Variants in ODF2L observed in about 807,000 individuals in gnomAD.
ODF2L encodes the protein protein BCAP.
A neutral mutation model predicts 86.3 loss-of-function variants in ODF2L; 76 were observed. The ratio of observed to expected loss-of-function variants is 0.88; its 90% CI spans 0.73 to 1.07. The LOEUF (loss-of-function observed/expected upper bound fraction) is 1.07, where lower values mean the gene tolerates loss of function less well. Ranked by LOEUF, ODF2L falls within the 50% of genes least tolerant of loss-of-function variation. The pLI is 0.00. For missense variants in ODF2L, 748 were observed against 717.4 expected (o/e 1.04, Z -0.49); for synonymous variants, 241 against 231.3 (o/e 1.04, Z -0.38).
At chr1:86,364,969 G>C (rs374682356) in intron 11 of ODF2L, among the ~76,000 whole-genome samples, 1 of 152,182 alleles carries the variant, frequency 6.6e-6, no homozygotes, top group African/African-American at 2.4e-5. Flanking sequence ...TGCTGCTAGT[G>C]TATTTTGTTT....
intron 9 of ODF2L, 80 bp downstream of exon 9, chr1:86,372,351 C>A (rs1016421588): frequency 1.3e-5 from 8 of 626,110 alleles, no homozygotes; most frequent in Non-Finnish European, 1.7e-5. Flanking sequence ...TAAAAAAAAT[C>A]AAAATACAAA....
At position 86,351,979 on chromosome 1, in the gene ODF2L, A is replaced by C. The variant is rs1377787028; in HGVS notation, c.*212T>G. The C allele has an allele frequency of 3.1e-6, 4 of 1,273,884 alleles. No homozygotes were observed. In the East Asian group the frequency reaches 1.3e-4, roughly 40 times the overall value. The allele number at this position is 1,273,884 out of a possible 1,614,324, so 78.9% of individuals were successfully genotyped here. A position where few individuals can be genotyped will look rare whatever the true frequency, so the allele number is the denominator to read the frequency against. On this transcript the variant is annotated 3_prime_UTR_variant, in exon 18 of 18. Transcript: ENST00000317336. ...AAAAAAACAGCACACACATTTTACA[A>C]TATCAGAAAGTCAAATGGTGAGTTA... is the stretch of plus-strand genomic sequence containing the variant.
rs1435643544 is a variant in ODF2L, at chr1:86,384,691, CT to C, written c.356del (p.Lys119ArgfsTer16). ...GATGCCTTACTTGTTTGTAGTCTCT[CT>C]TTCTAAGAAGATGTTCTAAAGCTAG... On this transcript the variant is annotated frameshift_variant, in exon 4 of 18. Transcript: ENST00000317336. LOFTEE classifies it high-confidence loss of function. 2.0e-6 allele frequency: 3 copies of C among 1,495,140 alleles called. No homozygotes were observed. The highest frequency in any genetic ancestry group is 2.3e-5 in the Admixed American group (1 of 42,802). 92.6% of individuals were successfully genotyped at this position (1,495,140 alleles called of 1,614,324 possible). A position where few individuals can be genotyped will look rare whatever the true frequency, so the allele number is the denominator to read the frequency against.
chr1:86,360,389 C>A, intron 12 of ODF2L, 37 bp downstream of exon 11: 1 of 910,662 alleles, frequency 1.1e-6, no homozygotes, highest in African/African-American at 1.7e-5. Context: ...AATTGTCTAC[C>A]AATTTTAGTA....
At position 86,378,444 on chromosome 1, in the gene ODF2L, T is replaced by C. The variant is rs12046199; in HGVS notation, c.625-2026A>G. On this transcript the variant is annotated intron_variant, in intron 7 of 17. Coordinates refer to ENST00000317336, the Ensembl canonical transcript of ODF2L. ...AGTTCCAAAGTCATTTCCACATTTTTGGGTATCTTTATAGCAATACCCCAC... is the reference window on the plus strand; with the variant it reads ...AGTTCCAAAGTCATTTCCACATTTTCGGGTATCTTTATAGCAATACCCCAC... Among the ~76,000 whole-genome samples the C allele has an allele frequency of 0.011, 1,698 of 152,342 alleles. 70 individuals carry two copies. The East Asian group carries it at 0.12, about 10-fold the overall frequency.
rs1235826451 is a variant in ODF2L at position 86,354,762 on chromosome 1, T to C, written c.1604+12A>G. ...AATATGCAGCAGCAATGTTAAGTAA[T>C]TTAATACTTACTGTTGAAGGTTTTC... is the stretch of plus-strand genomic sequence containing the variant. On this transcript the variant is annotated intron_variant, in intron 15 of 17. Transcript: ENST00000317336. The C allele has an allele frequency of 5.1e-6, 8 of 1,556,786 alleles. No individual in the cohort carries two copies. The East Asian group carries it at 1.8e-4, about 35-fold the overall frequency.
rs58388853 is a variant in ODF2L, at chr1:86,390,421, G to GA, written c.-59-3336dup. 0.011 allele frequency among the ~76,000 whole-genome samples: 1,684 copies of GA among 150,168 alleles called. 69 individuals are homozygous for GA. The East Asian group carries it at 0.12, about 10-fold the overall frequency. On this transcript the variant is annotated intron_variant, in intron 1 of 17. Coordinates refer to ENST00000317336, the Ensembl canonical transcript of ODF2L. ...GCAACAGAGTGAGACTCCGTCTCAA[G>GA]AAAAAAAAAATTCTTAACAAAATAC...
intron 17 of ODF2L, chr1:86,352,269 A>G: frequency 7.1e-7 from 1 of 1,412,068 alleles, no homozygotes; most frequent in East Asian, 2.7e-5. Flanking sequence ...TTATTACGTA[A>G]TTTAATCATG....
chr1:86,353,632 T>A (rs956791001), intron 16 of ODF2L, among the ~76,000 whole-genome samples: 1 of 152,156 alleles, frequency 6.6e-6, no homozygotes, highest in Non-Finnish European at 1.5e-5. Flanking sequence ...CAGGGACTGA[T>A]CCAGGAACAA....
chr1:86,393,343 T>C (rs1661460626), intron 1 of ODF2L, among the ~76,000 whole-genome samples: 1 of 151,394 alleles, frequency 6.6e-6, no homozygotes, highest in Non-Finnish European at 1.5e-5. Context: ...CCCCTACTAT[T>C]CTGGACACTA....
chr1:86,369,935 C>G (rs1328158667), intron 10 of ODF2L, among the ~76,000 whole-genome samples: 1 of 152,066 alleles, frequency 6.6e-6, no homozygotes, highest in Admixed American at 6.6e-5. Flanking sequence ...GGAATGCTAT[C>G]ATTTTATTAA....
chr1:86,371,119 T>G, exon 10 of ODF2L: 1 of 1,542,176 alleles, frequency 6.5e-7, no homozygotes. Context: ...TGGTCTTCCA[T>G]TTTCTTCAGA....
intron 11 of ODF2L, among the ~76,000 whole-genome samples, chr1:86,365,766 T>C (rs1436623719): frequency 6.6e-6 from 1 of 152,140 alleles, no homozygotes; most frequent in African/African-American, 2.4e-5. Context: ...AACGAGGAAG[T>C]TCATCTATCT....
At chr1:86,364,998 A>T (rs1278420474) in intron 11 of ODF2L, among the ~76,000 whole-genome samples, 1 of 152,184 alleles carries the variant, frequency 6.6e-6, no homozygotes, top group African/African-American at 2.4e-5. Flanking sequence ...TTTCCAATAC[A>T]ATTTCTGGCA....
intron 11 of ODF2L, among the ~76,000 whole-genome samples, chr1:86,365,259 G>A (rs1570377964): frequency 6.6e-6 from 1 of 152,138 alleles, no homozygotes; most frequent in African/African-American, 2.4e-5. Flanking sequence ...TACTTATCAA[G>A]TGCCTCCTAC....
At chr1:86,393,551 T>C (rs570632638) in intron 1 of ODF2L, among the ~76,000 whole-genome samples, 5 of 152,194 alleles carry the variant, frequency 3.3e-5, no homozygotes, top group African/African-American at 4.8e-5. Flanking sequence ...GATGTATATT[T>C]AAAAGATGGG....
chr1:86,352,194 T>C (rs1557999512), exon 18 of ODF2L: 11 of 1,518,168 alleles, frequency 7.2e-6, no homozygotes, highest in Non-Finnish European at 8.0e-6. Context: ...ATAGATTTCA[T>C]GGAGTCTCTG....
intron 13 of ODF2L, 141 bp from the exon 13 acceptor site, chr1:86,356,743 T>A: frequency 1.6e-6 from 1 of 609,998 alleles, no homozygotes; most frequent in Non-Finnish European, 2.5e-6. Context: ...GAATAAATAT[T>A]AAACTCTGTT....
chr1:86,355,483 C>T, intron 14 of ODF2L: 1 of 663,182 alleles, frequency 1.5e-6, no homozygotes, highest in Non-Finnish European at 2.7e-6. Context: ...TGACATTTTA[C>T]TAGAAAAATC....
Sources: gnomAD v4.1 joint callset for allele counts (sites outside exome capture counted in the v4.1 genomes callset) on GRCh38, gnomAD v4.1.1 for gene constraint, MANE v1.5 for transcripts, NCBI Gene and HGNC (gene_info 2026-07-23, HGNC 2026-07-21) for gene names.